The following SPART variants were observed in gnomAD, a reference collection of about 807,000 sequenced individuals.
The protein encoded by SPART is spartin.
A neutral mutation model predicts 58.7 loss-of-function variants in SPART; 35 were observed. The observed-to-expected ratio is 0.60, with a 90% CI of 0.46 to 0.79. SPART has a LOEUF of 0.79. Ranked by LOEUF, SPART falls within the 30% of genes least tolerant of loss-of-function variation. The probability of loss-of-function intolerance (pLI) is 0.00; values close to 1 mark genes in which losing one functional copy is unlikely to be tolerated. For synonymous variants in SPART, 284 were observed against 280.7 expected, an observed-to-expected ratio of 1.01 and a Z score of -0.12; for missense variants, 730 against 786.1, an observed-to-expected ratio of 0.93 and a Z score of 0.85.
chr13:36,307,995 T>C (rs1264399120), intron 8 of SPART, among the ~76,000 whole-genome samples: 2 of 152,246 alleles, frequency 1.3e-5, no homozygotes, highest in East Asian at 3.9e-4. Context: ...TCACAGGCAA[T>C]TAAGAACACA....
intron 3 of SPART, among the ~76,000 whole-genome samples, chr13:36,330,738 G>T (rs773005510): frequency 6.6e-6 from 1 of 152,142 alleles, no homozygotes; most frequent in Non-Finnish European, 1.5e-5. Flanking sequence ...AGGTACGCAT[G>T]TGGGCAGAGG....
chr13:36,305,397 A>G (rs1880421964), intron 8 of SPART, among the ~76,000 whole-genome samples: 1 of 151,896 alleles, frequency 6.6e-6, no homozygotes, highest in Non-Finnish European at 1.5e-5. Context: ...AGAACTTATT[A>G]ATTATCACTG....
rs1320140121 is a variant in SPART, at chr13:36,301,782, AC to A, written c.*2582del. ...TTGACAAGCCAACAACTCCACTCTT[AC>A]GCATAAAGTCTCTTGCATATGTGTA... On this transcript the variant is annotated 3_prime_UTR_variant, in exon 9 of 9. Coordinates refer to ENST00000438666, the MANE Select transcript of SPART (RefSeq NM_015087.5). The A allele has an allele frequency of 6.6e-6, 1 of 152,206 alleles. No homozygotes were observed. Among genetic ancestry groups the A allele is most frequent in the African/African-American group, 2.4e-5 (1 of 41,452 alleles). 9.4% of individuals were successfully genotyped at this position (152,206 alleles called of 1,614,324 possible).
rs143530320 is a variant in SPART at position 36,364,401 on chromosome 13, A to G, written c.-3+5688T>C. ...GTGGCCCAAGTCAGAATTCCCAGGG[A>G]TCATCTTAGAAGCATCCAGTCTCCC... On this transcript the variant is annotated intron_variant, in intron 1 of 8. Coordinates refer to the SPART transcript ENST00000355182. 2.4e-4 allele frequency among the ~76,000 whole-genome samples: 37 copies of G among 152,208 alleles called. 1 individual carries two copies. Among genetic ancestry groups the G allele is most frequent in the African/African-American group, 7.9e-4 (33 of 41,540 alleles).
intron 1 of SPART, among the ~76,000 whole-genome samples, chr13:36,362,671 T>A (rs953149634): frequency 1.3e-5 from 2 of 148,274 alleles, no homozygotes; most frequent in Admixed American, 1.3e-4. Flanking sequence ...GGAGGAGCCC[T>A]ACTCCTCCAC....
intron 5 of SPART, among the ~76,000 whole-genome samples, chr13:36,316,325 T>G (rs1346643573): frequency 6.6e-6 from 1 of 152,234 alleles, no homozygotes; most frequent in African/African-American, 2.4e-5. Context: ...GTAATCACAG[T>G]GTCAGGCCTC....
In SPART at chr13:36,323,175, A is replaced by G. The variant is rs572726792; in HGVS notation, c.1288+3400T>C. ...ATGTCAACTGTTTGCCTAGCATTCCAGAGTCCATCTGTAAATTAAATTGGG... is the reference window on the plus strand; with the variant it reads ...ATGTCAACTGTTTGCCTAGCATTCCGGAGTCCATCTGTAAATTAAATTGGG... On this transcript the variant is annotated intron_variant, in intron 5 of 8. Coordinates refer to ENST00000438666, the MANE Select transcript of SPART (RefSeq NM_015087.5). 2.0e-5 allele frequency among the ~76,000 whole-genome samples: 3 copies of G among 152,320 alleles called. No homozygotes were observed. The South Asian group carries it at 6.2e-4, about 32-fold the overall frequency.
rs1389468830 is a variant in SPART at position 36,335,117 on chromosome 13, C to T, written c.714G>A (p.Glu238=). The T allele has an allele frequency of 6.2e-7, 1 of 1,614,098 alleles. No homozygotes were observed. The highest frequency in any genetic ancestry group is 1.3e-5 in the African/African-American group (1 of 75,028). Reference sequence around the variant, plus strand: ...ACCCAGGATACGAAGGTGCACTAACCTCCCCTGCAGGATTTACAAAAAAAA... The same window carrying T: ...ACCCAGGATACGAAGGTGCACTAACTTCCCCTGCAGGATTTACAAAAAAAA... ...VQIFFVNPAG[E]VSAPSYPGYL... Residue 238 remains glutamate, a synonymous_variant, in exon 2 of 9, where the codon GAG becomes GAA. Transcript: ENST00000438666.
chr13:36,355,790 ATATTAG>A (rs925463764), intron 1 of SPART, among the ~76,000 whole-genome samples: 3 of 152,148 alleles, frequency 2.0e-5, no homozygotes, highest in Non-Finnish European at 4.4e-5. Context: ...ATGACTCATT[ATATTAG>A]GTTGGTGCAA....
rs770525010 is a variant in SPART at position 36,335,155 on chromosome 13, T to C, written c.676A>G (p.Asn226Asp). The change falls in exon 2 of 9, where the codon AAT (asparagine) becomes GAT (aspartate). Residue 226 changes from asparagine (N) to aspartate (D), a missense_variant. By Grantham distance (23) the Asn-to-Asp change is conservative. Transcript: ENST00000438666. ...TTTACAAAAAAAATCTGTACTCCAT[T>C]TGGTATCAAAATCAATTCATCTGCA... is the stretch of plus-strand genomic sequence containing the variant. ...LDADELILIP[N>D]GVQIFFVNPA... 6 of 1,614,048 alleles carry C rather than the reference T, an allele frequency of 3.7e-6. No homozygotes were observed. The highest frequency in any genetic ancestry group is 5.1e-6 in the Non-Finnish European group (6 of 1,180,002).
intron 1 of SPART, among the ~76,000 whole-genome samples, chr13:36,355,277 C>T (rs9566112): frequency 0.25 from 37,886 of 152,140 alleles, 5,238 homozygotes; most frequent in East Asian, 0.51. Flanking sequence ...CCTCCCGCCT[C>T]AGCCTCCTGA....
rs1185486570 is a variant in SPART, at chr13:36,303,408, G to A, written c.*957C>T. On this transcript the variant is annotated 3_prime_UTR_variant, in exon 9 of 9. Coordinates refer to ENST00000438666, the MANE Select transcript of SPART (RefSeq NM_015087.5). ...ATAATGCCTATCCACCATGGATTAC[G>A]TCTAAGGTTTTCATATTCTTTACCC... The A allele has an allele frequency of 2.6e-5, 4 of 152,050 alleles. No homozygotes were observed. The highest frequency in any genetic ancestry group is 6.6e-5 in the Admixed American group (1 of 15,260). 9.4% of individuals were successfully genotyped at this position (152,050 alleles called of 1,614,324 possible).
chr13:36,304,730 C>A (rs1187671052), intron 8 of SPART, 98 bp from the exon 9 acceptor site: 6 of 1,293,300 alleles, frequency 4.6e-6, no homozygotes, highest in African/African-American at 4.5e-5. Context: ...ACTGTGTTAC[C>A]CCTGAAAGCA....
intron 5 of SPART, among the ~76,000 whole-genome samples, chr13:36,316,303 T>C (rs1487958201): frequency 6.6e-6 from 1 of 152,244 alleles, no homozygotes; most frequent in African/African-American, 2.4e-5. Context: ...CCAGGTGCAG[T>C]GGCTCACGCC....
chr13:36,334,960 A>G, intron 2 of SPART, 61 bp downstream of exon 2: 1 of 1,381,502 alleles, frequency 7.2e-7, no homozygotes, highest in Non-Finnish European at 1.0e-6. Context: ...AAACATTAAC[A>G]AATAAAAATG....
chr13:36,350,515 G>C (rs944443357), upstream of SPART, among the ~76,000 whole-genome samples: 14 of 152,138 alleles, frequency 9.2e-5, no homozygotes, highest in Non-Finnish European at 1.6e-4. Flanking sequence ...AATATACCTT[G>C]CATGTTTACA....
In SPART at chr13:36,320,484, T is replaced by C. The variant is rs923976119; in HGVS notation, c.1289-6063A>G. ...ACACCAGCAAAGGCAGGCTATGCTA[T>C]AGTACAAGCCACTAGCCTGCCTCTT... On this transcript the variant is annotated intron_variant, in intron 5 of 8. Transcript: ENST00000438666. Among the ~76,000 whole-genome samples, 9 of 152,204 alleles carry C rather than the reference T, an allele frequency of 5.9e-5. No homozygotes were observed. The South Asian group carries it at 1.5e-3, about 25-fold the overall frequency.
At chr13:36,309,321 G>GA (rs1422927014) in intron 8 of SPART, among the ~76,000 whole-genome samples, 3 of 151,064 alleles carry the variant, frequency 2.0e-5, no homozygotes, top group Admixed American at 2.0e-4. Flanking sequence ...GTATGTCCCA[G>GA]AATGTAAACT....
In SPART at chr13:36,335,441, C is replaced by CTGAG. The variant is rs772437504; in HGVS notation, c.386_389dup (p.Gln130HisfsTer5). 6 of 1,614,122 alleles carry CTGAG rather than the reference C, an allele frequency of 3.7e-6. No homozygotes were observed. The highest frequency in any genetic ancestry group is 5.1e-6 in the Non-Finnish European group (6 of 1,180,024). On this transcript the variant is annotated frameshift_variant, in exon 2 of 9. Transcript: ENST00000438666. LOFTEE classifies it high-confidence loss of function. Reference sequence around the variant, plus strand: ...CATGCTGAGGAGCTGAACTAAAAGACTGAGGCTCTGGTAATTTTTCACACA... The same window carrying CTGAG: ...CATGCTGAGGAGCTGAACTAAAAGACTGAGTGAGGCTCTGGTAATTTTTCACACA...
Sources: allele counts gnomAD v4.1 joint callset (sites outside exome capture counted in the v4.1 genomes callset), GRCh38; gene constraint gnomAD v4.1.1; transcripts MANE v1.5; gene names NCBI Gene and HGNC (gene_info 2026-07-23, HGNC 2026-07-21).